The following ROR1 variants were observed in gnomAD, a reference collection of about 807,000 sequenced individuals.
ROR1 encodes inactive tyrosine-protein kinase transmembrane receptor ROR1.
Under a neutral mutation model 78.8 loss-of-function variants are expected in ROR1, and 19 were observed. That is an observed-to-expected ratio of 0.24 (90% confidence interval 0.17 to 0.35). The LOEUF (loss-of-function observed/expected upper bound fraction) is 0.35, where lower values mean the gene tolerates loss of function less well. Ranked by LOEUF, ROR1 falls within the 10% of genes least tolerant of loss-of-function variation. The pLI is 1.00. For missense variants in ROR1, 917 were observed against 1,177.8 expected (o/e 0.78, Z 3.24); for synonymous variants, 386 against 433.6 (o/e 0.89, Z 1.36).
Position 63,985,206 on chromosome 1 carries a change from A to G in ROR1, c.92-24099A>G, listed in dbSNP as rs937225005. On this transcript the variant is annotated intron_variant, in intron 1 of 8. Transcript: ENST00000371079. ...TGTTGTGTCTAGTCAACTCCAGACT[A>G]GGAAATCTGATAACGAAGCTTGTGA... Among the ~76,000 whole-genome samples, 52 of 152,140 alleles carry G rather than the reference A, an allele frequency of 3.4e-4. 1 individual carries two copies.
intron 4 of ROR1, among the ~76,000 whole-genome samples, chr1:64,079,533 G>A (rs1413883539): frequency 4.6e-5 from 7 of 151,448 alleles, no homozygotes; most frequent in South Asian, 2.1e-4. Flanking sequence ...GTACAGTGGC[G>A]CAGTCTCGGC....
intron 4 of ROR1, among the ~76,000 whole-genome samples, chr1:64,084,768 C>T (rs1647137061): frequency 6.6e-6 from 1 of 152,186 alleles, no homozygotes; most frequent in African/African-American, 2.4e-5. Context: ...AGACAAAGCT[C>T]TTTATTCTGC....
At chr1:63,844,029 C>G (rs928015169) in intron 1 of ROR1, among the ~76,000 whole-genome samples, 3 of 152,212 alleles carry the variant, frequency 2.0e-5, no homozygotes, top group South Asian at 2.1e-4. Context: ...GCTAATCCCT[C>G]TAGCCTTAGG....
chr1:63,795,999 C>T (rs949509934), intron 1 of ROR1, among the ~76,000 whole-genome samples: 3 of 152,086 alleles, frequency 2.0e-5, no homozygotes, highest in Admixed American at 6.5e-5. Context: ...ACTAATCTGT[C>T]GACACATAGT....
At chr1:63,848,848 G>A (rs1645097285) in intron 1 of ROR1, among the ~76,000 whole-genome samples, 1 of 152,162 alleles carries the variant, frequency 6.6e-6, no homozygotes, top group Non-Finnish European at 1.5e-5. Context: ...ACCTACATTT[G>A]TGAAGACAGA....
At chr1:64,015,892 T>C (rs1557610295) in intron 2 of ROR1, among the ~76,000 whole-genome samples, 1 of 152,152 alleles carries the variant, frequency 6.6e-6, no homozygotes, top group Non-Finnish European at 1.5e-5. Context: ...TAACCTCATA[T>C]GGAAAATAGA....
intron 1 of ROR1, among the ~76,000 whole-genome samples, chr1:63,870,373 A>G (rs1231448768): frequency 6.6e-6 from 1 of 152,128 alleles, no homozygotes; most frequent in Admixed American, 6.6e-5. Flanking sequence ...TGAGAATAGG[A>G]ATTAGGTAGC....
In ROR1 at chr1:64,159,051, C is replaced by T. The variant is rs755866582; in HGVS notation, c.1245C>T (p.Pro415=). ...LYILVPSVAI[P]LAIALLFFFI... ...TACTAGTGCCAAGTGTGGCCATTCC[C>T]CTGGCCATTGCTTTACTCTTCTTCT... Residue 415 remains proline, a synonymous_variant, in exon 8 of 9, where the codon CCC becomes CCT. Coordinates refer to ENST00000371079, the MANE Select transcript of ROR1 (RefSeq NM_005012.4). The T allele has an allele frequency of 6.2e-7, 1 of 1,613,872 alleles. No individual in the cohort carries two copies. The highest frequency in any genetic ancestry group is 1.1e-5 in the South Asian group (1 of 91,078).
chr1:63,905,011 C>A (rs1467408768), intron 1 of ROR1, among the ~76,000 whole-genome samples: 1 of 152,090 alleles, frequency 6.6e-6, no homozygotes, highest in Non-Finnish European at 1.5e-5. Context: ...TGTTACAGCT[C>A]CTCATCCTTC....
intron 7 of ROR1, among the ~76,000 whole-genome samples, chr1:64,151,838 G>A (rs1649633723): frequency 6.7e-6 from 1 of 149,024 alleles, no homozygotes. Context: ...AGCTGAGATT[G>A]CACCACTGCA....
At chr1:64,062,072 T>C (rs904939612) in intron 4 of ROR1, among the ~76,000 whole-genome samples, 9 of 152,206 alleles carry the variant, frequency 5.9e-5, no homozygotes, top group Non-Finnish European at 1.3e-4. Context: ...GGCTGTGATA[T>C]TGTGCGCTCC....
chr1:63,986,172 T>A (rs138832888), intron 1 of ROR1, among the ~76,000 whole-genome samples: 1 of 152,260 alleles, frequency 6.6e-6, no homozygotes, highest in East Asian at 1.9e-4. Context: ...GAGAAGGGAA[T>A]GATGTCTGCT....
chr1:63,863,550 A>G (rs1645195459), intron 1 of ROR1, among the ~76,000 whole-genome samples: 1 of 152,136 alleles, frequency 6.6e-6, no homozygotes, highest in Non-Finnish European at 1.5e-5. Flanking sequence ...GGTCTGTGAT[A>G]ATGCAAAGCT....
intron 1 of ROR1, among the ~76,000 whole-genome samples, chr1:63,958,107 G>A (rs1645998441): frequency 6.6e-6 from 1 of 152,046 alleles, no homozygotes; most frequent in African/African-American, 2.4e-5. Flanking sequence ...TCTAACAGCT[G>A]TATAGAATTT....
chr1:64,039,192 A>G (rs181175212), intron 2 of ROR1, among the ~76,000 whole-genome samples: 25 of 152,326 alleles, frequency 1.6e-4, no homozygotes, highest in African/African-American at 6.0e-4. Context: ...TGAATGGAGA[A>G]AGGGAGAAAG....
At chr1:64,021,297 C>T (rs927526954) in intron 2 of ROR1, among the ~76,000 whole-genome samples, 36 of 152,258 alleles carry the variant, frequency 2.4e-4, no homozygotes, top group African/African-American at 8.2e-4. Flanking sequence ...AAGATCCTTC[C>T]TAGGACTCTA....
intron 1 of ROR1, among the ~76,000 whole-genome samples, chr1:63,807,825 TCTCTGGA>T (rs1644838721): frequency 6.6e-6 from 1 of 152,134 alleles, no homozygotes; most frequent in Non-Finnish European, 1.5e-5. Context: ...TCTGTGCTGG[TCTCTGGA>T]GATACAAAGA....
At position 63,899,776 on chromosome 1, in the gene ROR1, GTTC is replaced by G. The variant is rs1407306652; in HGVS notation, c.92-109524_92-109522del. Among the ~76,000 whole-genome samples the G allele has an allele frequency of 4.6e-5, 7 of 151,806 alleles. No individual in the cohort carries two copies. In the East Asian group the frequency reaches 1.4e-3, roughly 30 times the overall value. On this transcript the variant is annotated intron_variant, in intron 1 of 8. Transcript: ENST00000371079. ...CTTCTGCTTGCTTGGGTTTTACAAA[GTTC>G]TTCTAATTTTTATGTGCGATTGGAC...
chr1:64,158,824 A>C (rs2100729339), intron 7 of ROR1, among the ~76,000 whole-genome samples, 157 bp from the exon 8 acceptor site: 1 of 152,356 alleles, frequency 6.6e-6, no homozygotes, highest in Middle Eastern at 3.4e-3. Context: ...GGTTTGATGG[A>C]AACAAATGGT....
Sources: gnomAD v4.1 joint callset for allele counts (sites outside exome capture counted in the v4.1 genomes callset) on GRCh38, gnomAD v4.1.1 for gene constraint, MANE v1.5 for transcripts, NCBI Gene and HGNC (gene_info 2026-07-23, HGNC 2026-07-21) for gene names.